TSHZ2: variants seen among roughly 807,000 people sequenced by gnomAD.
The protein encoded by TSHZ2 is teashirt zinc finger homeobox 2, also known as teashirt homolog 2.
A neutral mutation model predicts 74.4 loss-of-function variants in TSHZ2; 21 were observed. The ratio of observed to expected loss-of-function variants is 0.28; its 90% confidence interval spans 0.20 to 0.41. TSHZ2 has a LOEUF of 0.41. Ranked by LOEUF, TSHZ2 falls within the 10% of genes least tolerant of loss-of-function variation. The pLI, the probability that TSHZ2 is intolerant of heterozygous loss-of-function variation, is 1.00. For missense variants in TSHZ2, 1,244 were observed against 1,293.5 expected (o/e 0.96, Z 0.59); for synonymous variants, 540 against 515.3 (o/e 1.05, Z -0.65).
chr20:53,154,297 A>T lies in TSHZ2; in HGVS notation c.41-99202A>T, dbSNP rs193227510. Among the ~76,000 whole-genome samples the T allele has an allele frequency of 3.8e-3, 568 of 149,156 alleles. 5 individuals are homozygous for T. Among genetic ancestry groups the T allele is most frequent in the African/African-American group, 0.013 (544 of 40,924 alleles). ...GGAATGACCTAAGTGACCAAAAAAA[A>T]TTTTTTTAAGAAGTAAATGTTTTTT... On this transcript the variant is annotated intron_variant, in intron 1 of 2. Coordinates refer to ENST00000371497, the MANE Select transcript of TSHZ2 (RefSeq NM_173485.6).
intron 2 of TSHZ2, among the ~76,000 whole-genome samples, chr20:53,436,536 A>ATTTTTTTTTTTTTTTTTT (rs71194478): frequency 2.4e-5 from 2 of 83,560 alleles, no homozygotes; most frequent in East Asian, 4.0e-4. Flanking sequence ...TATTATTATT[A>ATTTTTTTTTTTTTTTTTT]TTATTATTAT....
At chr20:53,314,008 A>C (rs1978893407) in intron 2 of TSHZ2, among the ~76,000 whole-genome samples, 1 of 152,122 alleles carries the variant, frequency 6.6e-6, no homozygotes, top group Non-Finnish European at 1.5e-5. Context: ...CCACTCGATA[A>C]ATTGAAATAC....
intron 2 of TSHZ2, among the ~76,000 whole-genome samples, chr20:53,437,324 T>G (rs150698709): frequency 0.012 from 1,827 of 151,976 alleles, 13 homozygotes; most frequent in Non-Finnish European, 0.021. Flanking sequence ...AATACAAAAA[T>G]TAGGCAGGCA....
intron 1 of TSHZ2, among the ~76,000 whole-genome samples, chr20:53,246,505 T>C (rs1990209582): frequency 6.6e-6 from 1 of 152,154 alleles, no homozygotes; most frequent in Admixed American, 6.5e-5. Context: ...TTACCTGCCT[T>C]CCATCAGTAA....
At chr20:53,316,611 C>T (rs1415877310) in intron 2 of TSHZ2, among the ~76,000 whole-genome samples, 4 of 150,044 alleles carry the variant, frequency 2.7e-5, no homozygotes, top group Non-Finnish European at 4.4e-5. Context: ...AAAGGATGTA[C>T]ACTGGAAATA....
At chr20:53,126,015 T>TTGTG (rs1986938479) in intron 1 of TSHZ2, among the ~76,000 whole-genome samples, 1 of 152,076 alleles carries the variant, frequency 6.6e-6, no homozygotes, top group African/African-American at 2.4e-5. Context: ...AACTCTGGGT[T>TTGTG]TTTGTTTGTT....
chr20:53,170,379 G>A (rs1361149782), intron 1 of TSHZ2, among the ~76,000 whole-genome samples: 1 of 152,224 alleles, frequency 6.6e-6, no homozygotes, highest in African/African-American at 2.4e-5. Flanking sequence ...ATACAGTTTT[G>A]TATTTCCTAG....
chr20:53,201,911 G>A (rs1433461018), intron 1 of TSHZ2, among the ~76,000 whole-genome samples: 9 of 152,156 alleles, frequency 5.9e-5, no homozygotes, highest in Non-Finnish European at 1.3e-4. Flanking sequence ...ACAACCGCTG[G>A]GGTAGCGAAG....
chr20:53,131,832 CCCA>C (rs1276317992), intron 1 of TSHZ2, among the ~76,000 whole-genome samples: 62 of 89,926 alleles, frequency 6.9e-4, no homozygotes, highest in South Asian at 2.6e-3. Context: ...CCCCCCCCCC[CCCA>C]AAAAAAAAAA....
intron 2 of TSHZ2, among the ~76,000 whole-genome samples, chr20:53,317,698 G>T (rs1214680048): frequency 2.6e-5 from 4 of 152,178 alleles, no homozygotes; most frequent in Non-Finnish European, 5.9e-5. Context: ...GGCGTGAATT[G>T]TATTACAAGG....
intron 2 of TSHZ2, among the ~76,000 whole-genome samples, chr20:53,294,834 T>C (rs1210992471): frequency 6.6e-6 from 1 of 152,192 alleles, no homozygotes. Flanking sequence ...TTCTCAAGTT[T>C]CCCTTTGAAA....
chr20:53,207,579 C>G (rs1411048826), intron 1 of TSHZ2, among the ~76,000 whole-genome samples: 3 of 152,194 alleles, frequency 2.0e-5, no homozygotes, highest in Non-Finnish European at 4.4e-5. Context: ...ACAGCCACAT[C>G]TTTAGAGATG....
At chr20:53,060,773 A>G (rs528791908) in intron 1 of TSHZ2, among the ~76,000 whole-genome samples, 1 of 152,228 alleles carries the variant, frequency 6.6e-6, no homozygotes, top group Non-Finnish European at 1.5e-5. Flanking sequence ...CCTTCTACAC[A>G]ACAGTATCCT....
chr20:53,187,562 G>C (rs1988629151), intron 1 of TSHZ2, among the ~76,000 whole-genome samples: 1 of 152,138 alleles, frequency 6.6e-6, no homozygotes, highest in African/African-American at 2.4e-5. Context: ...GATGTGGTCC[G>C]TGGCTAGCCG....
intron 2 of TSHZ2, among the ~76,000 whole-genome samples, chr20:53,395,997 G>A (rs1055253400): frequency 3.9e-5 from 6 of 152,144 alleles, no homozygotes; most frequent in East Asian, 1.9e-4. Context: ...GTGCAGTGGC[G>A]CGATCTCGGC....
intron 2 of TSHZ2, among the ~76,000 whole-genome samples, chr20:53,376,381 G>A (rs1981657795): frequency 6.6e-6 from 1 of 152,204 alleles, no homozygotes; most frequent in African/African-American, 2.4e-5. Flanking sequence ...CTGGAGAGAT[G>A]AGCAGGGGCC....
chr20:53,008,128 C>A (rs928718023), intron 1 of TSHZ2, among the ~76,000 whole-genome samples: 3 of 151,888 alleles, frequency 2.0e-5, no homozygotes, highest in African/African-American at 7.2e-5. Context: ...GAATGAAAGC[C>A]CAGTTTAGAG....
chr20:53,290,653 A>G (rs1991261755), intron 2 of TSHZ2, among the ~76,000 whole-genome samples: 1 of 152,188 alleles, frequency 6.6e-6, no homozygotes, highest in South Asian at 2.1e-4. Context: ...AGGAAACACA[A>G]CTATTATTGG....
chr20:53,125,553 C>T (rs1407962931), intron 1 of TSHZ2, among the ~76,000 whole-genome samples: 1 of 152,130 alleles, frequency 6.6e-6, no homozygotes, highest in Non-Finnish European at 1.5e-5. Context: ...GCCTGGCTTC[C>T]TACCTCAGGC....
Sources: gnomAD v4.1 joint callset for allele counts (sites outside exome capture counted in the v4.1 genomes callset) on GRCh38, gnomAD v4.1.1 for gene constraint, MANE v1.5 for transcripts, NCBI Gene and HGNC (gene_info 2026-07-23, HGNC 2026-07-21) for gene names.